Variants in THAP4 observed in about 807,000 individuals in gnomAD.
THAP4 encodes peroxynitrite isomerase THAP4.
In THAP4, 18 loss-of-function variants were observed where a neutral mutation model predicts 48.1. That is an observed-to-expected ratio of 0.37 (90% CI 0.26 to 0.56). The LOEUF (loss-of-function observed/expected upper bound fraction) is 0.56. Ranked by LOEUF, THAP4 falls within the 20% of genes least tolerant of loss-of-function variation. The pLI is 0.78. For synonymous variants in THAP4, 345 were observed against 324.9 expected (o/e 1.06, Z -0.66); for missense variants, 656 against 774.9 (o/e 0.85, Z 1.82).
At chr2:241,624,483 CTCA>C (rs2067472390) in intron 2 of THAP4, among the ~76,000 whole-genome samples, 2 of 148,070 alleles carry the variant, frequency 1.4e-5, no homozygotes, top group African/African-American at 5.1e-5. Flanking sequence ...GAGACTCTTT[CTCA>C]AAAAAAAAAA....
chr2:241,636,996 C>A lies in THAP4; in HGVS notation c.22G>T (p.Val8Leu), dbSNP rs779997771. The A allele has an allele frequency of 5.3e-6, 7 of 1,316,998 alleles. No individual in the cohort carries two copies. The highest frequency in any genetic ancestry group is 6.9e-6 in the Non-Finnish European group (7 of 1,009,680). The allele number at this position is 1,316,998 out of a possible 1,614,324, so 81.6% of individuals were successfully genotyped here. ...TTTCCCTGCCGGTTGGAGCAGTTCA[C>A]GGCCGCACAGCAGATCACCATCGCG... MVICCAA[V>L]NCSNRQGKGE... The change falls in exon 1 of 6, where the codon GTG becomes TTG. Residue 8 changes from valine to leucine, a missense_variant. Transcript: ENST00000407315.
chr2:241,606,191 T>C (rs916197328), intron 3 of THAP4, 123 bp downstream of exon 3: 29 of 882,698 alleles, frequency 3.3e-5, no homozygotes, highest in African/African-American at 1.8e-4. Flanking sequence ...CTTTCTGAAA[T>C]AGATGGACAA....
chr2:241,623,634 T>A (rs377183806), intron 2 of THAP4, among the ~76,000 whole-genome samples: 35 of 147,384 alleles, frequency 2.4e-4, no homozygotes, highest in African/African-American at 7.0e-4. Flanking sequence ...TGATATCATT[T>A]AAAAAAAAAA....
chr2:241,629,189 G>A (rs1250153882), intron 2 of THAP4, among the ~76,000 whole-genome samples: 4 of 152,120 alleles, frequency 2.6e-5, no homozygotes, highest in Admixed American at 1.3e-4. Context: ...TGAAAGATGG[G>A]CTGGGCACAG....
rs1175852721 is a variant in THAP4 at position 241,585,912 on chromosome 2, C to CAAAAAAAAAAAAA, written c.1615-1200_1615-1188dup. On this transcript the variant is annotated intron_variant, in intron 5 of 5. Coordinates refer to ENST00000407315, the MANE Select transcript of THAP4 (RefSeq NM_015963.6). ...TGGGTGACAGAGCAAGACTCCTTCTCAAAAAAAAAAAAAAAAAGAAAAAAA... is the reference window on the plus strand; with the variant it reads ...TGGGTGACAGAGCAAGACTCCTTCTCAAAAAAAAAAAAAAAAAAAAAAAAAAAAAAGAAAAAAA... Among the ~76,000 whole-genome samples the CAAAAAAAAAAAAA allele has an allele frequency of 2.0e-3, 57 of 28,252 alleles. 2 individuals are homozygous for CAAAAAAAAAAAAA. Among genetic ancestry groups the CAAAAAAAAAAAAA allele is most frequent in the East Asian group, 0.015 (11 of 746 alleles). 18.5% of individuals were successfully genotyped at this position (28,252 alleles called of 152,430 possible).
At chr2:241,604,312 G>A (rs569589710) in intron 3 of THAP4, among the ~76,000 whole-genome samples, 20 of 151,636 alleles carry the variant, frequency 1.3e-4, no homozygotes, top group East Asian at 3.9e-4. Context: ...GTGCAATGGC[G>A]CTATCTTGGC....
At chr2:241,608,666 G>A (rs1312504187) in intron 2 of THAP4, among the ~76,000 whole-genome samples, 2 of 152,244 alleles carry the variant, frequency 1.3e-5, no homozygotes, top group Non-Finnish European at 2.9e-5. Flanking sequence ...CTTCCAGGGA[G>A]AAGCTGACGG....
At chr2:241,594,466 T>C (rs1047820005) in intron 5 of THAP4, among the ~76,000 whole-genome samples, 6 of 152,192 alleles carry the variant, frequency 3.9e-5, no homozygotes, top group African/African-American at 1.4e-4. Context: ...GGCTCATGCC[T>C]GTAATCCCAG....
intron 3 of THAP4, 57 bp from the exon 4 acceptor site, chr2:241,603,136 C>A: frequency 7.0e-7 from 1 of 1,429,844 alleles, no homozygotes; most frequent in Non-Finnish European, 9.8e-7. Context: ...ATGGCGTGGG[C>A]TGCGTGGATG....
intron 5 of THAP4, among the ~76,000 whole-genome samples, chr2:241,595,052 C>T (rs62192999): frequency 0.32 from 48,974 of 151,920 alleles, 8,151 homozygotes; most frequent in South Asian, 0.45. Flanking sequence ...CTCGCTCGGT[C>T]GCCAGGCTGG....
At chr2:241,634,404 C>G (rs558908892) in intron 1 of THAP4, among the ~76,000 whole-genome samples, 2 of 152,306 alleles carry the variant, frequency 1.3e-5, no homozygotes, top group South Asian at 2.1e-4. Flanking sequence ...AGGATGGCCT[C>G]AGGACAGCAG....
At chr2:241,623,735 C>T (rs573377598) in intron 2 of THAP4, among the ~76,000 whole-genome samples, 1 of 152,162 alleles carries the variant, frequency 6.6e-6, no homozygotes, top group African/African-American at 2.4e-5. Context: ...CAAATTTAAT[C>T]ATATAGATGA....
chr2:241,604,151 G>A (rs1021097981), intron 3 of THAP4, among the ~76,000 whole-genome samples: 5 of 152,092 alleles, frequency 3.3e-5, no homozygotes, highest in Non-Finnish European at 7.4e-5. Context: ...TCAGCTCAGT[G>A]AAACCTCCGC....
chr2:241,594,636 T>G (rs928488349), intron 5 of THAP4: 1 of 293,582 alleles, frequency 3.4e-6, no homozygotes, highest in Non-Finnish European at 6.8e-6. Flanking sequence ...TGCATACCTG[T>G]GGCCCCAGCT....
intron 5 of THAP4, among the ~76,000 whole-genome samples, chr2:241,588,996 C>T (rs2066924210): frequency 6.6e-6 from 1 of 152,084 alleles, no homozygotes; most frequent in African/African-American, 2.4e-5. Flanking sequence ...GGGTGGATCA[C>T]CTGACGTCAG....
intron 2 of THAP4, among the ~76,000 whole-genome samples, chr2:241,627,993 C>T (rs1575038316): frequency 6.6e-6 from 1 of 152,150 alleles, no homozygotes; most frequent in South Asian, 2.1e-4. Flanking sequence ...CTCCACTTCA[C>T]GGCCAAACCT....
intron 5 of THAP4, chr2:241,584,991 C>A (rs146373156): frequency 2.3e-6 from 1 of 433,740 alleles, no homozygotes; most frequent in South Asian, 2.4e-5. Context: ...CCACCCTGAA[C>A]GCACCTGATC....
chr2:241,637,569 T>C (rs1228567809), upstream of THAP4: 3 of 1,501,440 alleles, frequency 2.0e-6, no homozygotes, highest in Non-Finnish European at 2.7e-6. Flanking sequence ...AAATGGCGGC[T>C]CCCGCGTATT....
chr2:241,628,823 C>T (rs1233292869), intron 2 of THAP4, among the ~76,000 whole-genome samples: 2 of 150,194 alleles, frequency 1.3e-5, no homozygotes, highest in Non-Finnish European at 3.0e-5. Context: ...GCCTGTAGTC[C>T]CAGCTACTCA....
Sources: allele counts gnomAD v4.1 joint callset (sites outside exome capture counted in the v4.1 genomes callset), GRCh38; gene constraint gnomAD v4.1.1; transcripts MANE v1.5; gene names NCBI Gene and HGNC (gene_info 2026-07-23, HGNC 2026-07-21).